The following PTPRM variants were observed in gnomAD, a reference collection of about 807,000 sequenced individuals.
PTPRM encodes protein tyrosine phosphatase receptor type M, also known as receptor-type tyrosine-protein phosphatase mu.
In PTPRM, 47 loss-of-function variants were observed where a neutral mutation model predicts 186.7. That is an observed-to-expected ratio of 0.25 (90% CI 0.20 to 0.32). The LOEUF (loss-of-function observed/expected upper bound fraction) is 0.32, where lower values mean the gene tolerates loss of function less well. Among genes scored for constraint, PTPRM ranks in the 10% least tolerant of loss-of-function variants. The pLI is 1.00. For missense variants in PTPRM, 1,494 were observed against 1,865.0 expected, an observed-to-expected ratio of 0.80 and a Z score of 3.66; for synonymous variants, 668 against 674.9, an observed-to-expected ratio of 0.99 and a Z score of 0.16.
At chr18:8,178,057 C>T (rs528780355) in intron 14 of PTPRM, among the ~76,000 whole-genome samples, 36 of 152,288 alleles carry the variant, frequency 2.4e-4, no homozygotes, top group African/African-American at 7.7e-4. Context: ...ATGCTTGAGC[C>T]CACTTGCCCC....
intron 1 of PTPRM, among the ~76,000 whole-genome samples, chr18:7,692,934 T>C (rs2144656592): frequency 6.6e-6 from 1 of 152,274 alleles, no homozygotes; most frequent in East Asian, 1.9e-4. Context: ...GAACAAAACC[T>C]TGGAAGTTAT....
intron 4 of PTPRM, among the ~76,000 whole-genome samples, chr18:7,908,437 T>C (rs1287498703): frequency 6.6e-6 from 1 of 152,160 alleles, no homozygotes; most frequent in Admixed American, 6.5e-5. Flanking sequence ...AGCTTTTTAT[T>C]GCATGGATTT....
At chr18:8,185,369 C>T (rs2093628725) in intron 14 of PTPRM, among the ~76,000 whole-genome samples, 1 of 152,180 alleles carries the variant, frequency 6.6e-6, no homozygotes, top group Admixed American at 6.5e-5. Flanking sequence ...ACCGCATGAT[C>T]TCCATATTCT....
chr18:8,312,859 T>G (rs1364875764), intron 20 of PTPRM, among the ~76,000 whole-genome samples: 1 of 152,078 alleles, frequency 6.6e-6, no homozygotes, highest in Non-Finnish European at 1.5e-5. Context: ...CAACTAATGG[T>G]AAGGCACTGA....
chr18:7,916,138 A>G (rs1040924938), intron 4 of PTPRM, among the ~76,000 whole-genome samples: 3 of 152,192 alleles, frequency 2.0e-5, no homozygotes, highest in African/African-American at 4.8e-5. Flanking sequence ...GAAATTACCT[A>G]TGGTGAATAA....
intron 14 of PTPRM, among the ~76,000 whole-genome samples, chr18:8,218,290 G>A (rs764816159): frequency 2.0e-5 from 3 of 152,122 alleles, no homozygotes; most frequent in Non-Finnish European, 4.4e-5. Flanking sequence ...TCCACTGCAC[G>A]CCCAGGGGTA....
chr18:7,740,612 A>G (rs1568067052), intron 1 of PTPRM, among the ~76,000 whole-genome samples: 2 of 152,004 alleles, frequency 1.3e-5, no homozygotes, highest in Non-Finnish European at 1.5e-5. Context: ...TAGAGATAGA[A>G]TCTTGCTATA....
At chr18:8,023,864 A>ACGCG (rs1338750504) in intron 7 of PTPRM, among the ~76,000 whole-genome samples, 36 of 144,396 alleles carry the variant, frequency 2.5e-4, no homozygotes, top group African/African-American at 8.5e-4. Flanking sequence ...ACACACACAC[A>ACGCG]CACACACGCA....
intron 7 of PTPRM, among the ~76,000 whole-genome samples, chr18:7,975,455 C>T (rs915616693): frequency 2.0e-5 from 3 of 152,106 alleles, no homozygotes; most frequent in African/African-American, 7.2e-5. Context: ...TGAAGAGACA[C>T]AGAGGAAACT....
intron 13 of PTPRM, among the ~76,000 whole-genome samples, chr18:8,126,027 A>ATATATATATTTTTTTTTTTTTTT (rs57751538): frequency 1.4e-5 from 1 of 69,536 alleles, no homozygotes; most frequent in Non-Finnish European, 2.8e-5. Flanking sequence ...ATATATATAT[A>ATATATATATTTTTTTTTTTTTTT]TTTTAAATCA....
chr18:7,573,850 C>T (rs1031848261), intron 1 of PTPRM, among the ~76,000 whole-genome samples: 1 of 152,152 alleles, frequency 6.6e-6, no homozygotes, highest in Non-Finnish European at 1.5e-5. Context: ...TTCCACCTCC[C>T]AAAGTGCTGG....
At chr18:8,064,628 A>C (rs1351641146) in intron 7 of PTPRM, among the ~76,000 whole-genome samples, 1 of 152,200 alleles carries the variant, frequency 6.6e-6, no homozygotes, top group East Asian at 1.9e-4. Flanking sequence ...TCGTTCCATT[A>C]CATCACCAGT....
chr18:7,868,607 G>A (rs369571630), intron 2 of PTPRM, among the ~76,000 whole-genome samples: 7 of 152,268 alleles, frequency 4.6e-5, no homozygotes, highest in African/African-American at 1.7e-4. Flanking sequence ...ATACCAGCTG[G>A]AGCTCTCCTA....
intron 1 of PTPRM, among the ~76,000 whole-genome samples, chr18:7,621,407 A>G (rs547255832): frequency 2.6e-5 from 4 of 151,754 alleles, no homozygotes; most frequent in Non-Finnish European, 2.9e-5. Context: ...ATAGCCCCCC[A>G]TTATCAACAG....
intron 1 of PTPRM, among the ~76,000 whole-genome samples, chr18:7,606,466 A>C (rs2037532204): frequency 6.6e-6 from 1 of 152,074 alleles, no homozygotes; most frequent in African/African-American, 2.4e-5. Flanking sequence ...GTTAGCAGAG[A>C]AGGTAAAATC....
intron 18 of PTPRM, 39 bp downstream of exon 18, chr18:8,252,538 G>A (rs1316978973): frequency 6.5e-7 from 1 of 1,527,478 alleles, no homozygotes; most frequent in East Asian, 2.2e-5. Flanking sequence ...AGTTGTGGAG[G>A]GAGTGGGAGT....
chr18:7,602,944 T>TATTATTA, intron 1 of PTPRM, among the ~76,000 whole-genome samples: 1 of 148,238 alleles, frequency 6.7e-6, no homozygotes, highest in Non-Finnish European at 1.5e-5. Flanking sequence ...TTATTATTAT[T>TATTATTA]TGAGGCGGAG....
At chr18:8,117,920 A>AT (rs1568369290) in intron 13 of PTPRM, among the ~76,000 whole-genome samples, 1 of 152,070 alleles carries the variant, frequency 6.6e-6, no homozygotes, top group African/African-American at 2.4e-5. Context: ...TTATAGTTGG[A>AT]TTTTTTTATG....
chr18:7,775,498 C>T lies in PTPRM; in HGVS notation c.196+1227C>T, dbSNP rs118001157. On this transcript the variant is annotated intron_variant, in intron 2 of 32. Coordinates refer to ENST00000580170, the MANE Select transcript of PTPRM (RefSeq NM_001105244.2). Reference sequence around the variant, plus strand: ...CACAGCTGTGCTCCTCCTGTGGGGCCGTCGTTTCCCAAACAGGTGTCTTCC... The same window carrying T: ...CACAGCTGTGCTCCTCCTGTGGGGCTGTCGTTTCCCAAACAGGTGTCTTCC... 6.7e-3 allele frequency among the ~76,000 whole-genome samples: 1,026 copies of T among 152,096 alleles called. 3 individuals are homozygous for T. The highest frequency in any genetic ancestry group is 9.9e-3 in the Non-Finnish European group (672 of 67,994).
Sources: gnomAD v4.1 joint callset for allele counts (sites outside exome capture counted in the v4.1 genomes callset) on GRCh38, gnomAD v4.1.1 for gene constraint, MANE v1.5 for transcripts, NCBI Gene and HGNC (gene_info 2026-07-23, HGNC 2026-07-21) for gene names.